Variants in NTNG2 observed in about 807,000 individuals in gnomAD.
The protein encoded by NTNG2 is netrin G2.
NTNG2 carries 15 observed loss-of-function variants against 47.6 expected under a neutral mutation model. That is an observed-to-expected ratio of 0.32 (90% CI 0.21 to 0.49). The LOEUF (loss-of-function observed/expected upper bound fraction) is 0.49. NTNG2 is among the 20% of genes least tolerant of loss of function. The pLI, the probability that NTNG2 is intolerant of heterozygous loss-of-function variation, is 0.99. For synonymous variants in NTNG2, 307 were observed against 324.6 expected, an observed-to-expected ratio of 0.95 and a Z score of 0.58; for missense variants, 578 against 764.6, an observed-to-expected ratio of 0.76 and a Z score of 2.88.
chr9:132,174,587 C>T (rs763374208), intron 2 of NTNG2, among the ~76,000 whole-genome samples: 1 of 152,072 alleles, frequency 6.6e-6, no homozygotes, highest in African/African-American at 2.4e-5. Flanking sequence ...CGAGACCAGG[C>T]GTGTGATGAC....
chr9:132,240,489 T>C (rs1320160613), intron 6 of NTNG2: 5 of 270,960 alleles, frequency 1.8e-5, no homozygotes, highest in Non-Finnish European at 3.6e-5. Flanking sequence ...TCCACTCCCC[T>C]GCAAAGGAGC....
rs150068857 is a variant in NTNG2, at chr9:132,211,981, C to G, written c.857+13372C>G. The stretch of plus-strand genomic sequence containing the variant: ...TCATGAACAAATGAACTTACATGAA[C>G]AAAGAAGTCTTACTATCTGGAACTC... On this transcript the variant is annotated intron_variant, in intron 3 of 7. Transcript: ENST00000393229. 8.5e-3 allele frequency among the ~76,000 whole-genome samples: 1,296 copies of G among 152,248 alleles called. 10 individuals are homozygous for G. The highest frequency in any genetic ancestry group is 0.018 in the South Asian group (86 of 4,820).
intron 2 of NTNG2, 72 bp downstream of exon 2, chr9:132,167,116 G>T: frequency 6.6e-7 from 1 of 1,520,014 alleles, no homozygotes. Context: ...CCTTGGGGTG[G>T]ACGAGCAGAG....
chr9:132,164,760 G>C (rs949287650), intron 1 of NTNG2, among the ~76,000 whole-genome samples: 7 of 152,216 alleles, frequency 4.6e-5, no homozygotes, highest in African/African-American at 9.6e-5. Context: ...CTGGGTTCTC[G>C]TTCATCTCCA....
rs73563337 is a variant in NTNG2, at chr9:132,225,532, A to C, written c.858-1317A>C. 2.6e-3 allele frequency among the ~76,000 whole-genome samples: 395 copies of C among 152,244 alleles called. 1 individual carries two copies. Among genetic ancestry groups the C allele is most frequent in the African/African-American group, 9.2e-3 (382 of 41,554 alleles). The stretch of plus-strand genomic sequence containing the variant: ...TGATCCTCCTGCGTCAGCCTCCTAA[A>C]GTGCTTGGATTATAGGTGTGCACCA... On this transcript the variant is annotated intron_variant, in intron 3 of 7. Transcript: ENST00000393229.
chr9:132,189,059 T>C (rs1837632696), intron 2 of NTNG2, among the ~76,000 whole-genome samples: 1 of 144,908 alleles, frequency 6.9e-6, no homozygotes, highest in African/African-American at 2.6e-5. Flanking sequence ...AAAAAGGCTT[T>C]AAGCCTTTCT....
intron 6 of NTNG2, chr9:132,240,546 G>T: frequency 5.3e-6 from 2 of 380,406 alleles, no homozygotes; most frequent in Non-Finnish European, 4.9e-6. Context: ...GACATGCTCA[G>T]TGGCCTCTGC....
intron 3 of NTNG2, among the ~76,000 whole-genome samples, chr9:132,210,945 C>T (rs1028179268): frequency 6.6e-6 from 1 of 152,184 alleles, no homozygotes; most frequent in African/African-American, 2.4e-5. Context: ...ATGCCCCTGA[C>T]TCACACATAA....
At position 132,166,783 on chromosome 9, in the gene NTNG2, C is replaced by T; in HGVS notation, c.-49C>T. On this transcript the variant is annotated 5_prime_UTR_variant, in exon 2 of 8. Coordinates refer to ENST00000393229, the MANE Select transcript of NTNG2 (RefSeq NM_032536.4). ...CCGCGAGTCCCGCCTGACCCCGTCG[C>T]TGCCTCTCCAGGGCTTCTCTGGGCC... 1.3e-6 allele frequency: 2 copies of T among 1,582,766 alleles called. No homozygotes were observed. Among genetic ancestry groups the T allele is most frequent in the Non-Finnish European group, 1.7e-6 (2 of 1,155,410 alleles).
At chr9:132,195,687 G>A (rs1369054953) in intron 2 of NTNG2, among the ~76,000 whole-genome samples, 1 of 151,884 alleles carries the variant, frequency 6.6e-6, no homozygotes, top group Non-Finnish European at 1.5e-5. Flanking sequence ...CTACAGTGCA[G>A]TGGTGCTGCA....
At chr9:132,190,338 G>A (rs1837788065) in intron 2 of NTNG2, among the ~76,000 whole-genome samples, 1 of 151,826 alleles carries the variant, frequency 6.6e-6, no homozygotes. Flanking sequence ...CTGTGGAGCT[G>A]GGGAGCTGCT....
intron 3 of NTNG2, among the ~76,000 whole-genome samples, chr9:132,211,071 G>A (rs1246477295): frequency 1.3e-5 from 2 of 152,174 alleles, no homozygotes; most frequent in East Asian, 1.9e-4. Context: ...GACCCACAGG[G>A]TGAGCGGAGG....
At chr9:132,191,393 T>G (rs1043231827) in intron 2 of NTNG2, among the ~76,000 whole-genome samples, 2 of 152,114 alleles carry the variant, frequency 1.3e-5, no homozygotes, top group Non-Finnish European at 2.9e-5. Flanking sequence ...TTCTAGGTAA[T>G]GTGAGACACA....
chr9:132,228,935 TG>T (rs1286359920), intron 4 of NTNG2, among the ~76,000 whole-genome samples: 2 of 152,208 alleles, frequency 1.3e-5, no homozygotes, highest in East Asian at 3.9e-4. Context: ...GACTCTTACC[TG>T]CCAGTCACAC....
intron 3 of NTNG2, among the ~76,000 whole-genome samples, chr9:132,214,796 G>T (rs547940470): frequency 6.6e-6 from 1 of 152,058 alleles, no homozygotes; most frequent in Non-Finnish European, 1.5e-5. Context: ...GTTTTTTAGG[G>T]TAAGTATGTC....
In NTNG2 at chr9:132,198,620, G is replaced by T. The variant is rs971628149; in HGVS notation, c.857+11G>T. On this transcript the variant is annotated intron_variant, in intron 3 of 7. Transcript: ENST00000393229. ...CGAGGTCATCGGCAGGTAAGGCCGG[G>T]GGAAGCCCTGGATGTCACCTGCAAC... 1 of 1,600,648 alleles carries T rather than the reference G, an allele frequency of 6.2e-7. No individual in the cohort carries two copies. Among genetic ancestry groups the T allele is most frequent in the Admixed American group, 1.7e-5 (1 of 59,522 alleles).
At chr9:132,234,296 G>T (rs952402719) in intron 5 of NTNG2, among the ~76,000 whole-genome samples, 1 of 152,192 alleles carries the variant, frequency 6.6e-6, no homozygotes, top group Non-Finnish European at 1.5e-5. Context: ...CCAAAGTGCT[G>T]GGATTCCAGG....
In NTNG2 at chr9:132,218,954, G is replaced by A. The variant is rs879519554; in HGVS notation, c.858-7895G>A. On this transcript the variant is annotated intron_variant, in intron 3 of 7. Transcript: ENST00000393229. The surrounding 1 kb of genome is among the most constrained non-coding windows in gnomAD (Gnocchi z 5.4). ...TTTACCCAGATGTGATTCACACGTT[G>A]TACAATCCACACATGTAAAGCGTAC... is the stretch of plus-strand genomic sequence containing the variant. Among the ~76,000 whole-genome samples the A allele has an allele frequency of 4.6e-5, 7 of 152,204 alleles. No homozygotes were observed. Among genetic ancestry groups the A allele is most frequent in the Admixed American group, 3.9e-4 (6 of 15,282 alleles).
In NTNG2 at chr9:132,182,264, C is replaced by T. The variant is rs185973555; in HGVS notation, c.213+15220C>T. On this transcript the variant is annotated intron_variant, in intron 2 of 7. Coordinates refer to ENST00000393229, the MANE Select transcript of NTNG2 (RefSeq NM_032536.4). The surrounding 1 kb of genome is among the most constrained non-coding windows in gnomAD (Gnocchi z 4.2). ...GGGGAAGGAGTGGGGGAAAAAATTG[C>T]ACCCAACAATGGACAATAATGGGCC... Among the ~76,000 whole-genome samples, 8 of 152,308 alleles carry T rather than the reference C, an allele frequency of 5.3e-5. No homozygotes were observed. Among genetic ancestry groups the T allele is most frequent in the South Asian group, 2.1e-4 (1 of 4,832 alleles).
Sources: allele counts gnomAD v4.1 joint callset (sites outside exome capture counted in the v4.1 genomes callset), GRCh38; gene constraint gnomAD v4.1.1; non-coding constraint Gnocchi (gnomAD v3.1); transcripts MANE v1.5; gene names NCBI Gene and HGNC (gene_info 2026-07-23, HGNC 2026-07-21).